RGS6: variants seen among roughly 807,000 people sequenced by gnomAD.
The protein encoded by RGS6 is regulator of G-protein signaling 6.
RGS6 carries 30 observed loss-of-function variants against 78.5 expected under a neutral mutation model. The ratio of observed to expected loss-of-function variants is 0.38; its 90% CI spans 0.29 to 0.52. The LOEUF (loss-of-function observed/expected upper bound fraction) is 0.52, where lower values mean the gene tolerates loss of function less well. Ranked by LOEUF, RGS6 falls within the 20% of genes least tolerant of loss-of-function variation. The probability of loss-of-function intolerance (pLI) is 0.85; values close to 1 mark genes in which losing one functional copy is unlikely to be tolerated. For missense variants in RGS6, 495 were observed against 609.7 expected (o/e 0.81, Z 1.98); for synonymous variants, 206 against 206.0 (o/e 1.00, Z 0.00).
intron 12 of RGS6, among the ~76,000 whole-genome samples, chr14:72,484,051 A>T (rs184833034): frequency 7.3e-5 from 11 of 150,932 alleles, no homozygotes; most frequent in Non-Finnish European, 1.5e-4. Flanking sequence ...TCTGCTTCTC[A>T]TTTTCCTTTC....
At chr14:72,118,598 C>G (rs1305107765) in intron 2 of RGS6, among the ~76,000 whole-genome samples, 1 of 152,150 alleles carries the variant, frequency 6.6e-6, no homozygotes, top group Non-Finnish European at 1.5e-5. Flanking sequence ...AACAGTAAAC[C>G]CAGGTTTCCA....
chr14:72,048,557 T>G (rs1003556267), intron 2 of RGS6, among the ~76,000 whole-genome samples: 4 of 152,210 alleles, frequency 2.6e-5, no homozygotes, highest in Admixed American at 6.5e-5. Context: ...CATAGTGCTT[T>G]CCATGAGGTA....
intron 2 of RGS6, among the ~76,000 whole-genome samples, chr14:72,100,487 T>C (rs1380826782): frequency 6.6e-6 from 1 of 151,736 alleles, no homozygotes; most frequent in African/African-American, 2.4e-5. Context: ...AGAGCAAGAC[T>C]CTCAAAAACA....
At chr14:72,504,921 ATTTTTT>A (rs34953560) in intron 13 of RGS6, among the ~76,000 whole-genome samples, 16 of 76,076 alleles carry the variant, frequency 2.1e-4, no homozygotes, top group South Asian at 1.3e-3. Flanking sequence ...CGCCCAGCTA[ATTTTTT>A]TTTTTTTTTT....
At chr14:72,596,100 C>A in the RGS6 span, among the ~76,000 whole-genome samples, 855 of 152,288 alleles carry the variant, frequency 5.6e-3, 8 homozygotes, top group Admixed American at 9.5e-3. Flanking sequence ...TGGCTTAAAA[C>A]AACACAAATT....
intron 2 of RGS6, among the ~76,000 whole-genome samples, chr14:72,012,204 T>A (rs1232760350): frequency 1.3e-5 from 2 of 152,044 alleles, no homozygotes; most frequent in Admixed American, 6.6e-5. Context: ...AGAGAACATT[T>A]AAAAAAAATT....
intron 17 of RGS6, among the ~76,000 whole-genome samples, chr14:72,549,348 G>C (rs566921013): frequency 2.0e-5 from 3 of 152,020 alleles, no homozygotes; most frequent in African/African-American, 7.2e-5. Context: ...GGACACAGGC[G>C]CCCACTGGCA....
chr14:72,221,022 C>T (rs956247658), intron 2 of RGS6, among the ~76,000 whole-genome samples: 2 of 152,174 alleles, frequency 1.3e-5, no homozygotes, highest in Non-Finnish European at 2.9e-5. Flanking sequence ...TGTCTGAAGA[C>T]CTTAGAAAGA....
chr14:72,265,469 C>T (rs1400128766), intron 2 of RGS6, among the ~76,000 whole-genome samples: 1 of 152,186 alleles, frequency 6.6e-6, no homozygotes, highest in East Asian at 1.9e-4. Flanking sequence ...GAACCACAGA[C>T]AGGCTGTAGG....
At chr14:72,549,622 G>A (rs1217207092) in intron 17 of RGS6, among the ~76,000 whole-genome samples, 3 of 152,214 alleles carry the variant, frequency 2.0e-5, no homozygotes, top group South Asian at 2.1e-4. Context: ...AGCACTTTGG[G>A]AGGCCGAGAC....
At chr14:72,090,617 A>G (rs1003891988) in intron 2 of RGS6, among the ~76,000 whole-genome samples, 2 of 152,214 alleles carry the variant, frequency 1.3e-5, no homozygotes, top group Non-Finnish European at 2.9e-5. Context: ...GACAAATCGT[A>G]TTCCATAAAA....
chr14:72,076,094 A>G (rs1475521801), intron 2 of RGS6, among the ~76,000 whole-genome samples: 1 of 152,184 alleles, frequency 6.6e-6, no homozygotes, highest in Non-Finnish European at 1.5e-5. Context: ...TTGACTTTTA[A>G]CTATCTTTAC....
At chr14:72,351,676 T>C (rs2283387) in intron 2 of RGS6, among the ~76,000 whole-genome samples, 9,358 of 152,292 alleles carry the variant, frequency 0.061, 473 homozygotes, top group East Asian at 0.3. Flanking sequence ...TAACATATTA[T>C]ATTGAACCAT....
intron 2 of RGS6, among the ~76,000 whole-genome samples, chr14:72,297,423 ATTATTAT>A (rs1487460335): frequency 2.1e-5 from 3 of 143,590 alleles, no homozygotes; most frequent in Non-Finnish European, 4.5e-5. Flanking sequence ...TATTATTATT[ATTATTAT>A]TTTTTTTTTA....
chr14:71,953,575 CA>C (rs2092534154), intron 1 of RGS6, among the ~76,000 whole-genome samples: 1 of 151,596 alleles, frequency 6.6e-6, no homozygotes, highest in African/African-American at 2.4e-5. Flanking sequence ...CCCATGGGCC[CA>C]AGTTTACCAA....
intron 15 of RGS6, among the ~76,000 whole-genome samples, chr14:72,535,380 G>C (rs189030077): frequency 1.3e-5 from 2 of 152,272 alleles, no homozygotes; most frequent in Non-Finnish European, 2.9e-5. Context: ...ATTATTGCCT[G>C]TTTTTTTAAA....
intron 1 of RGS6, among the ~76,000 whole-genome samples, chr14:71,954,270 C>T (rs917710182): frequency 6.6e-6 from 1 of 150,882 alleles, no homozygotes; most frequent in Non-Finnish European, 1.5e-5. Flanking sequence ...CTTCTCCTTT[C>T]TTTCTTCTCT....
At chr14:71,874,819 C>G in the RGS6 span, among the ~76,000 whole-genome samples, 2 of 152,158 alleles carry the variant, frequency 1.3e-5, no homozygotes, top group African/African-American at 2.4e-5. Context: ...TACATCCCAT[C>G]AATACCTAAT....
At chr14:72,154,217 C>A (rs543275990) in intron 2 of RGS6, among the ~76,000 whole-genome samples, 2 of 152,240 alleles carry the variant, frequency 1.3e-5, no homozygotes, top group Non-Finnish European at 2.9e-5. Context: ...TTATGGTTGT[C>A]TTCCCTTGTT....
Sources: allele counts gnomAD v4.1 joint callset (sites outside exome capture counted in the v4.1 genomes callset), GRCh38; gene constraint gnomAD v4.1.1; transcripts MANE v1.5; gene names NCBI Gene and HGNC (gene_info 2026-07-23, HGNC 2026-07-21).